Variants in SCFD2 observed in about 807,000 individuals in gnomAD.
SCFD2 encodes sec1 family domain-containing protein 2.
A neutral mutation model predicts 58.9 loss-of-function variants in SCFD2; 54 were observed. The ratio of observed to expected loss-of-function variants is 0.92; its 90% CI spans 0.74 to 1.15. The LOEUF (loss-of-function observed/expected upper bound fraction) is 1.15. Among genes scored for constraint, SCFD2 ranks in the 50% most tolerant of loss-of-function variants. The pLI is 0.00. For missense variants in SCFD2, 805 were observed against 836.6 expected (o/e 0.96, Z 0.47); for synonymous variants, 321 against 335.9 (o/e 0.96, Z 0.49).
At chr4:53,340,815 T>C (rs1008416748) in intron 2 of SCFD2, among the ~76,000 whole-genome samples, 3 of 152,182 alleles carry the variant, frequency 2.0e-5, no homozygotes, top group Non-Finnish European at 4.4e-5. Context: ...TATTCGCTGT[T>C]ATGCAGCCTC....
Position 53,124,551 on chromosome 4 carries a change from T to C in SCFD2, c.1561+20782A>G, listed in dbSNP as rs537584174. ...ACTCGCTGTCAAGAAGATGATATAT[T>C]ATTACAATATTTGGCTTATCGGGAT... On this transcript the variant is annotated intron_variant, in intron 5 of 8. Transcript: ENST00000401642. Among the ~76,000 whole-genome samples, 3 of 152,310 alleles carry C rather than the reference T, an allele frequency of 2.0e-5. No homozygotes were observed. In the South Asian group the frequency reaches 6.2e-4, roughly 32 times the overall value.
chr4:53,335,483 T>C (rs1733655640), intron 2 of SCFD2, among the ~76,000 whole-genome samples: 1 of 152,158 alleles, frequency 6.6e-6, no homozygotes, highest in Non-Finnish European at 1.5e-5. Flanking sequence ...TTGAGACAAA[T>C]GGTGGAACTT....
Position 53,352,578 on chromosome 4 carries a change from A to AC in SCFD2, c.1007+19dup. The AC allele has an allele frequency of 6.3e-7, 1 of 1,580,028 alleles. No individual in the cohort carries two copies. The highest frequency in any genetic ancestry group is 8.7e-7 in the Non-Finnish European group (1 of 1,154,468). On this transcript the variant is annotated intron_variant, in intron 2 of 8. Coordinates refer to ENST00000401642, the MANE Select transcript of SCFD2 (RefSeq NM_152540.4). Reference sequence around the variant, plus strand: ...GGGGAAGACAGAGAAAGATAAGATGACAAAAACTATATATCTTACCTGGAT... The same window carrying AC: ...GGGGAAGACAGAGAAAGATAAGATGACCAAAAACTATATATCTTACCTGGAT...
chr4:52,906,870 C>G (rs980223725), intron 7 of SCFD2, among the ~76,000 whole-genome samples: 26 of 152,314 alleles, frequency 1.7e-4, no homozygotes, highest in African/African-American at 6.3e-4. Context: ...AGAAACTCTA[C>G]AGTAGGTTAA....
At chr4:52,923,245 G>T (rs1719782797) in intron 5 of SCFD2, among the ~76,000 whole-genome samples, 1 of 152,098 alleles carries the variant, frequency 6.6e-6, no homozygotes, top group Non-Finnish European at 1.5e-5. Flanking sequence ...GGAAGGCAGG[G>T]GCAGGTGGAT....
At chr4:53,029,652 A>C (rs1722566701) in intron 5 of SCFD2, among the ~76,000 whole-genome samples, 1 of 152,236 alleles carries the variant, frequency 6.6e-6, no homozygotes. Context: ...ACTCTGGAAC[A>C]GAATACAGTG....
chr4:53,077,871 T>G (rs1724028208), intron 5 of SCFD2, among the ~76,000 whole-genome samples: 1 of 152,226 alleles, frequency 6.6e-6, no homozygotes, highest in South Asian at 2.1e-4. Context: ...GCTATTAGTT[T>G]ACTGGATTTT....
chr4:53,168,679 T>G (rs998911842), intron 4 of SCFD2, among the ~76,000 whole-genome samples: 1 of 152,248 alleles, frequency 6.6e-6, no homozygotes, highest in African/African-American at 2.4e-5. Flanking sequence ...GATATATGTA[T>G]AGAATGTGAA....
intron 3 of SCFD2, among the ~76,000 whole-genome samples, chr4:53,275,415 G>C (rs567497210): frequency 6.6e-6 from 1 of 152,206 alleles, no homozygotes; most frequent in Non-Finnish European, 1.5e-5. Context: ...GGTAAAGCAT[G>C]GGTTTGTTCC....
intron 5 of SCFD2, among the ~76,000 whole-genome samples, chr4:53,088,065 T>TA (rs1724365794): frequency 6.6e-6 from 1 of 152,036 alleles, no homozygotes; most frequent in Non-Finnish European, 1.5e-5. Context: ...AATTGTTAGG[T>TA]AAAAAAGGAA....
At chr4:53,138,744 T>C (rs2148905976) in intron 5 of SCFD2, among the ~76,000 whole-genome samples, 1 of 152,362 alleles carries the variant, frequency 6.6e-6, no homozygotes, top group Non-Finnish European at 1.5e-5. Context: ...TTTGTTTTGC[T>C]TCATTTTGTC....
rs78631436 is a variant in SCFD2, at chr4:53,175,152, T to C, written c.1312-29570A>G. Among the ~76,000 whole-genome samples the C allele has an allele frequency of 1.6e-3, 241 of 152,262 alleles. 2 individuals are homozygous for C. Among genetic ancestry groups the C allele is most frequent in the South Asian group, 6.4e-3 (31 of 4,828 alleles). ...AGAACTAATAAGGTACCCTAACAAA[T>C]AGAAAAACTTCAAATCACTTTTAGA... On this transcript the variant is annotated intron_variant, in intron 4 of 8. Transcript: ENST00000401642.
intron 5 of SCFD2, among the ~76,000 whole-genome samples, chr4:53,010,468 T>C (rs1292183314): frequency 1.3e-5 from 2 of 152,234 alleles, no homozygotes; most frequent in Non-Finnish European, 2.9e-5. Flanking sequence ...TAAGTTCTGC[T>C]GAATGTCAAG....
rs1279324682 is a variant in SCFD2, at chr4:53,352,526, G to A, written c.1007+72C>T. On this transcript the variant is annotated intron_variant, in intron 2 of 8. Coordinates refer to ENST00000401642, the MANE Select transcript of SCFD2 (RefSeq NM_152540.4). ...ATTCTTCATTGCTTTTTTCCTATGGGAATACTCAGTCTAGGAGAAAAAGAA... is the reference window on the plus strand; with the variant it reads ...ATTCTTCATTGCTTTTTTCCTATGGAAATACTCAGTCTAGGAGAAAAAGAA... 7 of 1,218,752 alleles carry A rather than the reference G, an allele frequency of 5.7e-6. No homozygotes were observed. In the Admixed American group the frequency reaches 1.6e-4, roughly 27 times the overall value. 75.5% of individuals were successfully genotyped at this position (1,218,752 alleles called of 1,614,324 possible).
rs1553890346 is a variant in SCFD2, at chr4:53,239,411, A to AGAGGGAGAGGGAGAG, written c.1311+34414_1311+34415insCTCTCCCTCTCCCTC. ...CGTGGGGAGAGTGAGAGGGAGAGGGAGAGGGAGAGGAGGGAGAGGAGGGAG... is the reference window on the plus strand; with the variant it reads ...CGTGGGGAGAGTGAGAGGGAGAGGGAGAGGGAGAGGGAGAGGAGGGAGAGGAGGGAGAGGAGGGAG... On this transcript the variant is annotated intron_variant, in intron 4 of 8. Transcript: ENST00000401642. Among the ~76,000 whole-genome samples the AGAGGGAGAGGGAGAG allele has an allele frequency of 8.1e-5, 9 of 111,250 alleles. 1 individual carries two copies. Among genetic ancestry groups the AGAGGGAGAGGGAGAG allele is most frequent in the African/African-American group, 1.8e-4 (5 of 28,196 alleles). 73.0% of individuals were successfully genotyped at this position (111,250 alleles called of 152,430 possible).
At chr4:52,961,238 T>C (rs1204054866) in intron 5 of SCFD2, among the ~76,000 whole-genome samples, 6 of 152,156 alleles carry the variant, frequency 3.9e-5, no homozygotes, top group African/African-American at 1.4e-4. Flanking sequence ...ATCTTGAGAC[T>C]TTTGCTGGAA....
chr4:53,050,274 G>A (rs1018635595), intron 5 of SCFD2, among the ~76,000 whole-genome samples: 1 of 152,162 alleles, frequency 6.6e-6, no homozygotes, highest in African/African-American at 2.4e-5. Flanking sequence ...GTGTTGATTA[G>A]ACATTTTCAA....
intron 4 of SCFD2, among the ~76,000 whole-genome samples, chr4:53,260,181 G>T (rs1730787627): frequency 6.6e-6 from 1 of 152,030 alleles, no homozygotes; most frequent in Admixed American, 6.6e-5. Flanking sequence ...CAAACAACAA[G>T]AGTTCAACTT....
At chr4:53,193,190 G>T (rs1727963536) in intron 4 of SCFD2, among the ~76,000 whole-genome samples, 1 of 152,116 alleles carries the variant, frequency 6.6e-6, no homozygotes, top group Admixed American at 6.5e-5. Flanking sequence ...ATGTTAAGAA[G>T]TGAACAAAAT....
Sources: allele counts gnomAD v4.1 joint callset (sites outside exome capture counted in the v4.1 genomes callset), GRCh38; gene constraint gnomAD v4.1.1; transcripts MANE v1.5; gene names NCBI Gene and HGNC (gene_info 2026-07-23, HGNC 2026-07-21).